CYLD: variants seen among roughly 807,000 people sequenced by gnomAD.
CYLD encodes ubiquitin carboxyl-terminal hydrolase CYLD.
A neutral mutation model predicts 104.5 loss-of-function variants in CYLD; 26 were observed. The observed-to-expected ratio is 0.25, with a 90% confidence interval of 0.18 to 0.35. The LOEUF (loss-of-function observed/expected upper bound fraction) is 0.35. Among genes scored for constraint, CYLD ranks in the 10% least tolerant of loss-of-function variants. CYLD has a pLI of 1.00. For synonymous variants in CYLD, 385 were observed against 399.9 expected (o/e 0.96, Z 0.45); for missense variants, 703 against 1,136.1 (o/e 0.62, Z 5.48).
rs1258272884 is a variant in CYLD, at chr16:50,749,831, A to G, written c.133A>G (p.Ser45Gly). The change falls in exon 3 of 19, where the codon AGT becomes GGT. Residue 45 changes from serine to glycine, a missense_variant. By Grantham distance (56) the Ser-to-Gly change is moderately conservative. Around this residue, in one of 5 missense-constraint regions of CYLD, gnomAD observed 142 missense variants for 165.1 expected, o/e 0.86. Transcript: ENST00000427738. ...AAAGCTCCTTAAAGTACCGAAGGGAAGTATAGGACAGTATATTCAAGATCG... is the reference window on the plus strand; with the variant it reads ...AAAGCTCCTTAAAGTACCGAAGGGAGGTATAGGACAGTATATTCAAGATCG... The part of the protein sequence containing the change: ...TQKLLKVPKG[S>G]IGQYIQDRSV... The G allele has an allele frequency of 6.2e-7, 1 of 1,613,976 alleles. No individual in the cohort carries two copies. Among genetic ancestry groups the G allele is most frequent in the Non-Finnish European group, 8.5e-7 (1 of 1,180,022 alleles).
intron 3 of CYLD, among the ~76,000 whole-genome samples, chr16:50,750,624 C>T (rs377376753): frequency 5.9e-5 from 9 of 151,880 alleles, no homozygotes; most frequent in Non-Finnish European, 1.0e-4. Context: ...AAGATGATGT[C>T]GAAACTTAAA....
intron 5 of CYLD, among the ~76,000 whole-genome samples, chr16:50,761,546 A>G (rs1259695708): frequency 1.3e-5 from 2 of 152,156 alleles, no homozygotes; most frequent in South Asian, 2.1e-4. Context: ...GGAATCATAC[A>G]TATGTCCTTT....
At chr16:50,782,159 A>G (rs1044849910) in intron 10 of CYLD, among the ~76,000 whole-genome samples, 166 bp from the exon 11 acceptor site, 1 of 152,222 alleles carries the variant, frequency 6.6e-6, no homozygotes, top group Admixed American at 6.5e-5. Context: ...CAATTTTTAT[A>G]AGCCAAGTCA....
At chr16:50,752,648 T>G (rs1966725000) in intron 4 of CYLD, among the ~76,000 whole-genome samples, 1 of 152,240 alleles carries the variant, frequency 6.6e-6, no homozygotes, top group South Asian at 2.1e-4. Flanking sequence ...ACCGAAACTC[T>G]GTGCCTGTTT....
chr16:50,760,241 T>A (rs1162757282), intron 5 of CYLD, among the ~76,000 whole-genome samples: 1 of 152,228 alleles, frequency 6.6e-6, no homozygotes, highest in African/African-American at 2.4e-5. Flanking sequence ...GTCACACATA[T>A]AATGACATAC....
At chr16:50,763,491 G>T (rs985410857) in intron 5 of CYLD, among the ~76,000 whole-genome samples, 1 of 152,118 alleles carries the variant, frequency 6.6e-6, no homozygotes, top group Non-Finnish European at 1.5e-5. Flanking sequence ...CCTACTAGCA[G>T]TGTGTAAGCG....
rs373971257 is a variant in CYLD at position 50,791,621 on chromosome 16, A to C, written c.2172A>C (p.Lys724Asn). The C allele has an allele frequency of 6.2e-6, 10 of 1,613,826 alleles. No individual in the cohort carries two copies. The highest frequency in any genetic ancestry group is 8.5e-6 in the Non-Finnish European group (10 of 1,179,902). The part of the protein sequence containing the change: ...FYQIFMEKNE[K>N]VGVPTIQQLL... ...AAATTTTTATGGAAAAAAATGAGAA[A>C]GTTGGCGTTCCCACAATTCAGCAGT... The change falls in exon 15 of 19, where the codon AAA becomes AAC. Residue 724 changes from lysine to asparagine, a missense_variant. Physicochemically the swap from Lys to Asn is moderately conservative, Grantham distance 94. Transcript: ENST00000427738.
chr16:50,766,263 C>T (rs1267934239), intron 5 of CYLD, among the ~76,000 whole-genome samples: 2 of 152,338 alleles, frequency 1.3e-5, no homozygotes, highest in Non-Finnish European at 2.9e-5. Flanking sequence ...TCTGCCTGTG[C>T]TCTATAAATG....
At position 50,757,327 on chromosome 16, in the gene CYLD, G is replaced by A. The variant is rs182814498; in HGVS notation, c.913+2903G>A. Among the ~76,000 whole-genome samples the A allele has an allele frequency of 2.6e-5, 4 of 152,230 alleles. No individual in the cohort carries two copies. In the East Asian group the frequency reaches 7.7e-4, roughly 29 times the overall value. ...GCACATTAATTTAGTTGGAGGTATA[G>A]GATTCAAATGATAGCTTTATTTCAA... On this transcript the variant is annotated intron_variant, in intron 5 of 18. Coordinates refer to ENST00000427738, the MANE Select transcript of CYLD (RefSeq NM_001378743.1).
intron 7 of CYLD, among the ~76,000 whole-genome samples, chr16:50,776,729 G>C (rs568142713): frequency 6.6e-6 from 1 of 152,202 alleles, no homozygotes; most frequent in Non-Finnish European, 1.5e-5. Context: ...CTCACAATAT[G>C]TGTGGAGCTT....
rs796464725 is a variant in CYLD, at chr16:50,799,131, C to T, written c.*2623C>T. On this transcript the variant is annotated 3_prime_UTR_variant, in exon 19 of 19. Coordinates refer to ENST00000427738, the MANE Select transcript of CYLD (RefSeq NM_001378743.1). ...GCCTTAAGTTTTCTTTAATATTTTC[C>T]TGTTGGCTATTTAAAGGTTTTGGTT... The T allele has an allele frequency of 7.7e-5, 18 of 233,366 alleles. No homozygotes were observed. The highest frequency in any genetic ancestry group is 3.7e-4 in the African/African-American group (17 of 45,450). 14.5% of individuals were successfully genotyped at this position (233,366 alleles called of 1,614,324 possible).
At chr16:50,776,116 A>G in intron 6 of CYLD, 63 bp from the exon 7 acceptor site, 1 of 1,198,250 alleles carries the variant, frequency 8.3e-7, no homozygotes, top group South Asian at 1.2e-5. Context: ...TGTTACTGTC[A>G]TTCCTTGTTT....
Position 50,796,741 on chromosome 16 carries a change from T to A in CYLD, c.*233T>A, listed in dbSNP as rs1972084245. 1.9e-6 allele frequency: 1 copy of A among 535,064 alleles called. No individual in the cohort carries two copies. The highest frequency in any genetic ancestry group is 2.0e-5 in the South Asian group (1 of 48,782). 33.1% of individuals were successfully genotyped at this position (535,064 alleles called of 1,614,324 possible). ...GTTTGTGTTGGTTTTTTAAGAAGTCTAAATGAAGTTATTAATACCTGAAGC... is the reference window on the plus strand; with the variant it reads ...GTTTGTGTTGGTTTTTTAAGAAGTCAAAATGAAGTTATTAATACCTGAAGC... On this transcript the variant is annotated 3_prime_UTR_variant, in exon 19 of 19. Transcript: ENST00000427738.
In CYLD at chr16:50,796,552, A is replaced by G. The variant is rs1348585163; in HGVS notation, c.*44A>G. The stretch of plus-strand genomic sequence containing the variant: ...GCAAAGAAACTGAAGGCAGAGTCCT[A>G]ACGTTGCATCTTATTCGAGCTGGCA... On this transcript the variant is annotated 3_prime_UTR_variant, in exon 19 of 19. Transcript: ENST00000427738. 3.1e-6 allele frequency: 5 copies of G among 1,590,074 alleles called. No individual in the cohort carries two copies. Among genetic ancestry groups the G allele is most frequent in the Non-Finnish European group, 4.3e-6 (5 of 1,164,580 alleles).
intron 2 of CYLD, among the ~76,000 whole-genome samples, chr16:50,748,285 A>C (rs1374587380): frequency 6.6e-6 from 1 of 152,182 alleles, no homozygotes; most frequent in Admixed American, 6.5e-5. Context: ...TAATGAAGTA[A>C]AGTCTCAGTT....
In CYLD at chr16:50,781,232, C is replaced by T; in HGVS notation, c.1519-14C>T. 1 of 1,613,710 alleles carries T rather than the reference C, an allele frequency of 6.2e-7. No individual in the cohort carries two copies. The highest frequency in any genetic ancestry group is 8.5e-7 in the Non-Finnish European group (1 of 1,179,752). On this transcript the variant is annotated splice_polypyrimidine_tract_variant and intron_variant, in intron 9 of 18. Coordinates refer to ENST00000427738, the MANE Select transcript of CYLD (RefSeq NM_001378743.1). The stretch of plus-strand genomic sequence containing the variant: ...AGGCACGGTATAATGCATATTGAAG[C>T]ATTTCTTTTTCAGGAAGATGAGTGT...
At chr16:50,751,364 C>T (rs1383489317) in intron 3 of CYLD, among the ~76,000 whole-genome samples, 1 of 152,152 alleles carries the variant, frequency 6.6e-6, no homozygotes, top group Non-Finnish European at 1.5e-5. Context: ...TTCAGCCTAG[C>T]TTTCTCATGA....
chr16:50,751,627 C>T lies in CYLD; in HGVS notation c.528C>T (p.Phe176=). Residue 176 remains phenylalanine (F), a synonymous_variant, in exon 4 of 19, where the codon TTC becomes TTT. Transcript: ENST00000427738. The part of the protein sequence containing the change: ...ELLEEGRGQG[F]TDGVYQGKQL... Reference sequence around the variant, plus strand: ...AGGAAGAAGGTCGTGGTCAAGGTTTCACTGACGGGGTGTACCAAGGGAAAC... The same window carrying T: ...AGGAAGAAGGTCGTGGTCAAGGTTTTACTGACGGGGTGTACCAAGGGAAAC... 1 of 1,613,702 alleles carries T rather than the reference C, an allele frequency of 6.2e-7. No homozygotes were observed. Among genetic ancestry groups the T allele is most frequent in the Non-Finnish European group, 8.5e-7 (1 of 1,179,712 alleles).
At chr16:50,773,506 A>T (rs988317897) in intron 5 of CYLD, among the ~76,000 whole-genome samples, 12 of 152,172 alleles carry the variant, frequency 7.9e-5, no homozygotes, top group African/African-American at 2.9e-4. Flanking sequence ...TCTTCTGTAG[A>T]ATAGCTTGTT....
Sources: gnomAD v4.1 joint callset for allele counts (sites outside exome capture counted in the v4.1 genomes callset) on GRCh38, gnomAD v4.1.1 for gene constraint, gnomAD v4.1.1 regional missense constraint, MANE v1.5 for transcripts, NCBI Gene and HGNC (gene_info 2026-07-23, HGNC 2026-07-21) for gene names.